Variants in PLA2R1 observed in about 807,000 individuals in gnomAD.
PLA2R1 encodes phospholipase A2 receptor 1.
A neutral mutation model predicts 195.9 loss-of-function variants in PLA2R1; 158 were observed. The observed-to-expected ratio is 0.81, with a 90% CI of 0.71 to 0.92. The LOEUF (loss-of-function observed/expected upper bound fraction) is 0.92, where lower values mean the gene tolerates loss of function less well. Among genes scored for constraint, PLA2R1 ranks in the 40% least tolerant of loss-of-function variants. The pLI, the probability that PLA2R1 is intolerant of heterozygous loss-of-function variation, is 0.00. For missense variants in PLA2R1, 1,626 were observed against 1,764.6 expected (o/e 0.92, Z 1.41); for synonymous variants, 586 against 598.2 (o/e 0.98, Z 0.30).
chr2:159,930,028 A>G (rs1364839685), downstream of PLA2R1, among the ~76,000 whole-genome samples: 1 of 152,182 alleles, frequency 6.6e-6, no homozygotes, highest in African/African-American at 2.4e-5. Flanking sequence ...GTGGGAGCTA[A>G]GCTATGAGGA....
Position 159,941,885 on chromosome 2 carries a change from TGAA to T in PLA2R1, c.4282_4284del (p.Phe1428del), listed in dbSNP as rs1382540369. The stretch of plus-strand genomic sequence containing the variant: ...GGATTCCGAAACCCTGCAAGTCTCC[TGAA>T]GAAGCCACCGTTATGCTTGTATATG... On this transcript the variant is annotated inframe_deletion, in exon 30 of 30. Coordinates refer to ENST00000283243, the MANE Select transcript of PLA2R1 (RefSeq NM_007366.5). 6.2e-7 allele frequency: 1 copy of T among 1,613,714 alleles called. No individual in the cohort carries two copies.
downstream of PLA2R1, among the ~76,000 whole-genome samples, chr2:159,927,137 T>C (rs1298106083): frequency 6.6e-6 from 1 of 152,134 alleles, no homozygotes; most frequent in South Asian, 2.1e-4. Context: ...CATACAGGAC[T>C]GGGAGGGAGG....
chr2:159,960,919 C>G (rs1444642776), intron 20 of PLA2R1, among the ~76,000 whole-genome samples: 1 of 152,096 alleles, frequency 6.6e-6, no homozygotes, highest in Non-Finnish European at 1.5e-5. Flanking sequence ...TATATTGGAA[C>G]TCATTTCAGA....
At chr2:159,946,080 G>T in intron 27 of PLA2R1, 3 of 934,874 alleles carry the variant, frequency 3.2e-6, no homozygotes, top group Non-Finnish European at 3.8e-6. Context: ...AAGGGGGTAG[G>T]GGCGGTAGGA....
intron 1 of PLA2R1, among the ~76,000 whole-genome samples, chr2:160,051,513 A>G (rs77647347): frequency 0.011 from 1,622 of 152,290 alleles, 35 homozygotes; most frequent in Admixed American, 0.026. Context: ...TCTGTAACCA[A>G]TCTGGAGGTG....
intron 10 of PLA2R1, among the ~76,000 whole-genome samples, chr2:160,009,676 C>G (rs1692225462): frequency 6.7e-6 from 1 of 150,040 alleles, no homozygotes; most frequent in African/African-American, 2.5e-5. Flanking sequence ...AAATGACTAA[C>G]ATGGTGAATT....
intron 3 of PLA2R1, among the ~76,000 whole-genome samples, chr2:160,036,864 G>A (rs1015845110): frequency 6.6e-5 from 10 of 151,606 alleles, no homozygotes; most frequent in Non-Finnish European, 1.5e-4. Context: ...ACTGACCCTC[G>A]ATGGCTGTGC....
At chr2:159,952,940 C>T (rs145725169) in intron 23 of PLA2R1, among the ~76,000 whole-genome samples, 4 of 152,286 alleles carry the variant, frequency 2.6e-5, no homozygotes, top group Non-Finnish European at 5.9e-5. Context: ...ATGGATCACA[C>T]TTTTATCATA....
chr2:160,019,971 G>T lies in PLA2R1; in HGVS notation c.1452+135C>A, dbSNP rs1030572662. 3 of 580,026 alleles carry T rather than the reference G, an allele frequency of 5.2e-6. No individual in the cohort carries two copies. The East Asian group carries it at 8.4e-5, about 16-fold the overall frequency. 35.9% of individuals were successfully genotyped at this position (580,026 alleles called of 1,614,324 possible). A position where few individuals can be genotyped will look rare whatever the true frequency, so the allele number is the denominator to read the frequency against. On this transcript the variant is annotated intron_variant, in intron 8 of 29. Transcript: ENST00000283243. Reference sequence around the variant, plus strand: ...ATGTTTTTTCTGTGTGTACTTGTTTGCTCTCTAACATGGAAGGCCCATGAG... The same window carrying T: ...ATGTTTTTTCTGTGTGTACTTGTTTTCTCTCTAACATGGAAGGCCCATGAG...
intron 3 of PLA2R1, among the ~76,000 whole-genome samples, chr2:160,036,898 G>C: frequency 1.5e-5 from 1 of 68,120 alleles, no homozygotes; most frequent in East Asian, 4.2e-4. Flanking sequence ...AAAATGGAAC[G>C]GGGGAGGTGG....
At chr2:160,048,989 C>T (rs1009330533) in intron 1 of PLA2R1, among the ~76,000 whole-genome samples, 9 of 151,536 alleles carry the variant, frequency 5.9e-5, no homozygotes, top group Admixed American at 3.9e-4. Context: ...TACAGGCGCC[C>T]GCCACTACGC....
At chr2:159,987,425 C>A in intron 11 of PLA2R1, 67 bp from the exon 12 acceptor site, 8 of 1,105,580 alleles carry the variant, frequency 7.2e-6, no homozygotes, top group Non-Finnish European at 1.1e-5. Context: ...GAAGACTGCT[C>A]TTTAGAGTGT....
Position 159,940,257 on chromosome 2 carries a change from C to T in PLA2R1, c.*1521G>A, listed in dbSNP as rs1687028338. The T allele has an allele frequency of 6.6e-6, 1 of 152,208 alleles. No homozygotes were observed. Among genetic ancestry groups the T allele is most frequent in the Non-Finnish European group, 1.5e-5 (1 of 68,038 alleles). The allele number at this position is 152,208 out of a possible 1,614,324, so 9.4% of individuals were successfully genotyped here. On this transcript the variant is annotated 3_prime_UTR_variant, in exon 30 of 30. Transcript: ENST00000283243. The stretch of plus-strand genomic sequence containing the variant: ...AGTTTCTCTCTATCATGGAACCTTA[C>T]TTCATTTTCATAACCACTTGCTATT...
chr2:159,968,275 A>G (rs1009457308), intron 19 of PLA2R1, among the ~76,000 whole-genome samples: 1 of 151,934 alleles, frequency 6.6e-6, no homozygotes, highest in Non-Finnish European at 1.5e-5. Flanking sequence ...TTTCAGAATA[A>G]GGATTATAGA....
At chr2:159,950,901 C>T (rs1208083662) in intron 24 of PLA2R1, among the ~76,000 whole-genome samples, 1 of 152,038 alleles carries the variant, frequency 6.6e-6, no homozygotes, top group African/African-American at 2.4e-5. Context: ...GAAAATAAAA[C>T]CTCAAGTGCT....
chr2:160,005,421 C>A (rs570074708), intron 11 of PLA2R1, among the ~76,000 whole-genome samples: 1 of 151,486 alleles, frequency 6.6e-6, no homozygotes, highest in Non-Finnish European at 1.5e-5. Context: ...GGTGACAGAG[C>A]GAGACCTCGT....
rs1296194913 is a variant in PLA2R1 at position 159,937,562 on chromosome 2, A to G, written c.*4216T>C. The G allele has an allele frequency of 6.6e-6, 1 of 152,238 alleles. No individual in the cohort carries two copies. The highest frequency in any genetic ancestry group is 1.5e-5 in the Non-Finnish European group (1 of 68,042). 9.4% of individuals were successfully genotyped at this position (152,238 alleles called of 1,614,324 possible). A position where few individuals can be genotyped will look rare whatever the true frequency, so the allele number is the denominator to read the frequency against. On this transcript the variant is annotated 3_prime_UTR_variant, in exon 30 of 30. Coordinates refer to ENST00000283243, the MANE Select transcript of PLA2R1 (RefSeq NM_007366.5). ...CTCACAACTCACATAGAAATCTAAGATAAATCAAGCCTTGGGACTTTCTTC... is the reference window on the plus strand; with the variant it reads ...CTCACAACTCACATAGAAATCTAAGGTAAATCAAGCCTTGGGACTTTCTTC...
At chr2:160,050,463 T>A (rs1478775419) in intron 1 of PLA2R1, among the ~76,000 whole-genome samples, 1 of 152,206 alleles carries the variant, frequency 6.6e-6, no homozygotes, top group Non-Finnish European at 1.5e-5. Flanking sequence ...CCAAATCCAT[T>A]TTTGTCTTAG....
intron 1 of PLA2R1, among the ~76,000 whole-genome samples, chr2:160,059,081 TCA>T (rs1417064874): frequency 2.0e-5 from 3 of 152,164 alleles, no homozygotes. Flanking sequence ...CCTAGATCTC[TCA>T]CATGCACAGT....
Sources: gnomAD v4.1 joint callset for allele counts (sites outside exome capture counted in the v4.1 genomes callset) on GRCh38, gnomAD v4.1.1 for gene constraint, MANE v1.5 for transcripts, NCBI Gene and HGNC (gene_info 2026-07-23, HGNC 2026-07-21) for gene names.